Variants in ZDHHC15 observed in about 807,000 individuals in gnomAD.
The protein encoded by ZDHHC15 is palmitoyltransferase ZDHHC15.
In ZDHHC15, 19 loss-of-function variants were observed where a neutral mutation model predicts 31.7. The ratio of observed to expected loss-of-function variants is 0.60; its 90% CI spans 0.42 to 0.88. The LOEUF is 0.88. Ranked by LOEUF, ZDHHC15 falls within the 40% of genes least tolerant of loss-of-function variation. The pLI, the probability that ZDHHC15 is intolerant of heterozygous loss-of-function variation, is 0.00. For missense variants in ZDHHC15, 209 were observed against 251.2 expected, an observed-to-expected ratio of 0.83 and a Z score of 1.14; for synonymous variants, 103 against 90.0, an observed-to-expected ratio of 1.14 and a Z score of -0.82.
At chrX:75,520,992 A>G (rs773360873) in intron 1 of ZDHHC15, among the ~76,000 whole-genome samples, 15 of 111,225 alleles carry the variant, frequency 1.3e-4, no homozygotes, top group African/African-American at 4.9e-4. Context: ...GGGGTAGACT[A>G]TTGCTTTGCA....
At chrX:75,433,643 T>G (rs756609460) in intron 4 of ZDHHC15, among the ~76,000 whole-genome samples, 2 of 108,249 alleles carry the variant, frequency 1.8e-5, no homozygotes, top group South Asian at 8.1e-4. Context: ...GTGTATATTT[T>G]TTATGGCTGA....
Position 75,469,238 on chromosome X carries a change from G to A in ZDHHC15, c.258+9653C>T, listed in dbSNP as rs536457518. ...AGCATTTGGTCCTTTTTAAAATAAT[G>A]TGATAAATATGTGTAATGAAATTTA... On this transcript the variant is annotated intron_variant, in intron 3 of 11. Coordinates refer to ENST00000373367, the MANE Select transcript of ZDHHC15 (RefSeq NM_144969.3). 9.0e-5 allele frequency among the ~76,000 whole-genome samples: 10 copies of A among 111,615 alleles called. No homozygotes were observed. In the South Asian group the frequency reaches 3.4e-3, roughly 38 times the overall value.
chrX:75,444,330 A>C (rs1415175501), intron 4 of ZDHHC15, among the ~76,000 whole-genome samples: 5 of 108,127 alleles, frequency 4.6e-5, no homozygotes, highest in Non-Finnish European at 7.6e-5. Context: ...GACATGGATG[A>C]AGCTTGAAGC....
chrX:75,510,767 C>A (rs1377176873), intron 1 of ZDHHC15, among the ~76,000 whole-genome samples: 2 of 74,692 alleles, frequency 2.7e-5, no homozygotes, highest in Admixed American at 1.8e-4. Context: ...TGATATTCCC[C>A]TTCCTGTGTC....
chrX:75,420,978 A>G (rs1003141258), intron 9 of ZDHHC15, among the ~76,000 whole-genome samples: 1 of 110,445 alleles, frequency 9.1e-6, no homozygotes, highest in African/African-American at 3.3e-5. Flanking sequence ...ACAACCTCAA[A>G]TTAATCTTTG....
chrX:75,450,817 T>C lies in ZDHHC15; in HGVS notation c.364A>G (p.Arg122Gly). Reference sequence around the variant, plus strand: ...ATGAACTGACCTCCACTTCCAGTTCTTGTGTAAACCGGTAGCTTTTTGGCC... The same window carrying C: ...ATGAACTGACCTCCACTTCCAGTTCCTGTGTAAACCGGTAGCTTTTTGGCC... Reference protein sequence around the residue: ...DMAKKLPVYTRTGSGAVRFCD... With the variant: ...DMAKKLPVYTGTGSGAVRFCD... The change falls in exon 4 of 12, where the codon AGA becomes GGA. Residue 122 changes from arginine (R) to glycine (G), a missense_variant. Arg to Gly is a moderately radical substitution (Grantham distance 125). Coordinates refer to ENST00000373367, the MANE Select transcript of ZDHHC15 (RefSeq NM_144969.3). The C allele has an allele frequency of 8.3e-7, 1 of 1,211,116 alleles. No individual in the cohort carries two copies. Among genetic ancestry groups the C allele is most frequent in the South Asian group, 1.8e-5 (1 of 56,971 alleles).
chrX:75,444,228 A>C (rs1434326473), intron 4 of ZDHHC15, among the ~76,000 whole-genome samples: 2 of 110,444 alleles, frequency 1.8e-5, no homozygotes, highest in Non-Finnish European at 3.8e-5. Flanking sequence ...CAAATGTCCA[A>C]CAATGATAGA....
rs747167251 is a variant in ZDHHC15, at chrX:75,424,743, A to G, written c.645T>C (p.Phe215=). ...AAAACATGCAGGCCACAAAGAGAAG[A>G]AAAAGGACATGGAACTTAGAGCGAA... ...PSVRSKFHVL[F]LLFVACMFFV... The change falls in exon 8 of 12, where the codon TTT becomes TTC. Residue 215 remains phenylalanine, a synonymous_variant. Transcript: ENST00000373367. 2.5e-6 allele frequency: 3 copies of G among 1,206,950 alleles called. No homozygotes were observed. In the South Asian group the frequency reaches 5.4e-5, roughly 22 times the overall value.
At chrX:75,386,624 C>T (rs1168775867) in intron 10 of ZDHHC15, among the ~76,000 whole-genome samples, 1 of 109,612 alleles carries the variant, frequency 9.1e-6, no homozygotes, top group Admixed American at 9.8e-5. Context: ...TACAGATGCA[C>T]ACCACGACAC....
chrX:75,387,116 AAAG>A (rs1261823010), intron 10 of ZDHHC15, among the ~76,000 whole-genome samples: 1 of 112,084 alleles, frequency 8.9e-6, no homozygotes, highest in African/African-American at 3.2e-5. Context: ...CTACTACTGA[AAAG>A]AAGACAGTGA....
chrX:75,433,388 G>A (rs775516102), intron 4 of ZDHHC15, among the ~76,000 whole-genome samples: 23 of 110,510 alleles, frequency 2.1e-4, no homozygotes, highest in South Asian at 1.2e-3. Context: ...CATCTAAGCC[G>A]TAAACACTGT....
chrX:75,472,520 G>T lies in ZDHHC15; in HGVS notation c.258+6371C>A, dbSNP rs1022415654. ...TGGAAGAAGCATGATTGGAAAATTG[G>T]TGACAAAGAAATTTGGGGAAGAGGT... On this transcript the variant is annotated intron_variant, in intron 3 of 11. Coordinates refer to ENST00000373367, the MANE Select transcript of ZDHHC15 (RefSeq NM_144969.3). Among the ~76,000 whole-genome samples, 33 of 112,283 alleles carry T rather than the reference G, an allele frequency of 2.9e-4. 1 individual carries two copies. The highest frequency in any genetic ancestry group is 1.0e-3 in the African/African-American group (32 of 30,884).
At chrX:75,397,558 T>A (rs1351094686) in intron 10 of ZDHHC15, among the ~76,000 whole-genome samples, 1 of 110,620 alleles carries the variant, frequency 9.0e-6, no homozygotes, top group African/African-American at 3.3e-5. Flanking sequence ...AAAACTTGTT[T>A]TAAAAGGCAT....
chrX:75,480,335 C>T (rs765014488), intron 2 of ZDHHC15, among the ~76,000 whole-genome samples: 1 of 111,552 alleles, frequency 9.0e-6, no homozygotes, highest in East Asian at 2.8e-4. Context: ...AGGCACAACA[C>T]CTCTTTGGTG....
chrX:75,502,603 C>T (rs1010675841), intron 2 of ZDHHC15, among the ~76,000 whole-genome samples: 1 of 111,268 alleles, frequency 9.0e-6, no homozygotes, highest in Non-Finnish European at 1.9e-5. Flanking sequence ...CAACTGTGGG[C>T]AACGCATTAT....
intron 2 of ZDHHC15, among the ~76,000 whole-genome samples, chrX:75,488,858 G>A (rs1006484309): frequency 3.6e-5 from 4 of 112,201 alleles, no homozygotes; most frequent in African/African-American, 1.3e-4. Flanking sequence ...AAAGAAAGGG[G>A]TGACTGATGA....
Position 75,454,276 on chromosome X carries a change from C to T in ZDHHC15, c.259-3354G>A, listed in dbSNP as rs1276717565. Among the ~76,000 whole-genome samples, 4 of 111,742 alleles carry T rather than the reference C, an allele frequency of 3.6e-5. No homozygotes were observed. In the East Asian group the frequency reaches 1.1e-3, roughly 32 times the overall value. ...AACAGCCAAATCATGAGTGAACTCCCATTCACAATTGCTACAAAGAGAATA... is the reference window on the plus strand; with the variant it reads ...AACAGCCAAATCATGAGTGAACTCCTATTCACAATTGCTACAAAGAGAATA... On this transcript the variant is annotated intron_variant, in intron 3 of 11. Transcript: ENST00000373367.
intron 4 of ZDHHC15, among the ~76,000 whole-genome samples, chrX:75,444,169 G>A (rs940138701): frequency 4.5e-5 from 5 of 110,998 alleles, no homozygotes; most frequent in Admixed American, 1.9e-4. Context: ...ACATGCACAC[G>A]TATGTTTATT....
chrX:75,462,720 A>C (rs1386960464), intron 3 of ZDHHC15, among the ~76,000 whole-genome samples: 1 of 111,845 alleles, frequency 8.9e-6, no homozygotes, highest in African/African-American at 3.2e-5. Context: ...CTTTGAAACG[A>C]ATGAGAACCA....
Sources: gnomAD v4.1 joint callset for allele counts (sites outside exome capture counted in the v4.1 genomes callset) on GRCh38, gnomAD v4.1.1 for gene constraint, MANE v1.5 for transcripts, NCBI Gene and HGNC (gene_info 2026-07-23, HGNC 2026-07-21) for gene names.